PODN: variants seen among roughly 807,000 people sequenced by gnomAD.
The protein encoded by PODN is podocan.
A neutral mutation model predicts 52.7 loss-of-function variants in PODN; 40 were observed. The ratio of observed to expected loss-of-function variants is 0.76; its 90% CI spans 0.59 to 0.99. The LOEUF (loss-of-function observed/expected upper bound fraction) is 0.99. Ranked by LOEUF, PODN falls within the 50% of genes least tolerant of loss-of-function variation. PODN has a pLI of 0.00. For missense variants in PODN, 720 were observed against 815.1 expected, an observed-to-expected ratio of 0.88 and a Z score of 1.42; for synonymous variants, 396 against 377.9, an observed-to-expected ratio of 1.05 and a Z score of -0.56.
chr1:53,083,751 T>G, intron 10 of PODN, among the ~76,000 whole-genome samples: 2 of 151,256 alleles, frequency 1.3e-5, no homozygotes, highest in Admixed American at 6.6e-5. Context: ...TCAGGTTGGG[T>G]AGGGAAGGAG....
chr1:53,066,526 T>C (rs1379615683), intron 1 of PODN, among the ~76,000 whole-genome samples: 5 of 152,176 alleles, frequency 3.3e-5, no homozygotes, highest in Non-Finnish European at 5.9e-5. Flanking sequence ...AGTAGCCACA[T>C]GTGGCCAGTG....
Position 53,071,562 on chromosome 1 carries a change from G to C in PODN, c.340G>C (p.Glu114Gln). The part of the protein sequence containing the change: ...QNNQLEKIYP[E>Q]ELSRLHRLET... ...CAACCAGCTGGAAAAGATCTACCCTGAGGAGCTCTCCCGGCTGCACCGGCT... is the reference window on the plus strand; with the variant it reads ...CAACCAGCTGGAAAAGATCTACCCTCAGGAGCTCTCCCGGCTGCACCGGCT... Residue 114 changes from glutamate to glutamine, a missense_variant, in exon 3 of 11, where the codon GAG (glutamate) becomes CAG (glutamine). By Grantham distance (29) the Glu-to-Gln change is conservative. Transcript: ENST00000312553. 1 of 1,613,990 alleles carries C rather than the reference G, an allele frequency of 6.2e-7. No individual in the cohort carries two copies. Among genetic ancestry groups the C allele is most frequent in the South Asian group, 1.1e-5 (1 of 91,064 alleles).
chr1:53,070,197 G>A, intron 2 of PODN, 30 bp downstream of exon 2: 2 of 1,597,472 alleles, frequency 1.3e-6, no homozygotes, highest in African/African-American at 1.3e-5. Flanking sequence ...TGTGGTCACG[G>A]GGGCTGTCCC....
intron 10 of PODN, among the ~76,000 whole-genome samples, chr1:53,082,837 T>C (rs1328495575): frequency 2.6e-5 from 4 of 152,154 alleles, no homozygotes; most frequent in African/African-American, 9.7e-5. Context: ...CACATTTGCA[T>C]GCCTAGACTA....
At chr1:53,073,014 A>T (rs567202743) in intron 3 of PODN, 12 of 220,232 alleles carry the variant, frequency 5.4e-5, no homozygotes, top group Admixed American at 4.5e-4. Context: ...GTGAGCTGAG[A>T]TCACACCATT....
intron 10 of PODN, among the ~76,000 whole-genome samples, chr1:53,083,720 C>T (rs1295404939): frequency 2.0e-5 from 3 of 152,178 alleles, no homozygotes; most frequent in Non-Finnish European, 4.4e-5. Context: ...CGGAGGCTGG[C>T]TGCAGGCATG....
At position 53,077,622 on chromosome 1, in the gene PODN, C is replaced by G. The variant is rs1400939041; in HGVS notation, c.739-63C>G. 2.7e-6 allele frequency: 4 copies of G among 1,471,496 alleles called. No individual in the cohort carries two copies. In the South Asian group the frequency reaches 5.0e-5, roughly 19 times the overall value. The allele number at this position is 1,471,496 out of a possible 1,614,324, so 91.2% of individuals were successfully genotyped here. A position where few individuals can be genotyped will look rare whatever the true frequency, so the allele number is the denominator to read the frequency against. Reference sequence around the variant, plus strand: ...CCAGACTCCTCTCCACACCTCATCCCGAGGCCCTGACCTTGCCCTCGGCCC... The same window carrying G: ...CCAGACTCCTCTCCACACCTCATCCGGAGGCCCTGACCTTGCCCTCGGCCC... On this transcript the variant is annotated intron_variant, in intron 6 of 10. Transcript: ENST00000312553.
intron 1 of PODN, among the ~76,000 whole-genome samples, chr1:53,067,320 C>T (rs1644047976): frequency 6.6e-6 from 1 of 152,018 alleles, no homozygotes; most frequent in Admixed American, 6.6e-5. Context: ...CCTCCTACTC[C>T]TTGGGACCCC....
intron 10 of PODN, among the ~76,000 whole-genome samples, chr1:53,084,211 G>T (rs1025282437): frequency 5.9e-5 from 9 of 151,944 alleles, no homozygotes; most frequent in Non-Finnish European, 1.2e-4. Context: ...TGGCCATCCA[G>T]TGGGGACACC....
At chr1:53,073,231 G>T in intron 3 of PODN, 1 of 218,682 alleles carries the variant, frequency 4.6e-6, no homozygotes, top group Non-Finnish European at 9.8e-6. Flanking sequence ...GGACATTGTC[G>T]TGTTTCCCAT....
At position 53,080,841 on chromosome 1, in the gene PODN, C is replaced by A; in HGVS notation, c.1626C>A (p.Phe542Leu). The A allele has an allele frequency of 6.2e-7, 1 of 1,614,170 alleles. No homozygotes were observed. The highest frequency in any genetic ancestry group is 8.5e-7 in the Non-Finnish European group (1 of 1,180,032). Residue 542 changes from phenylalanine to leucine, a missense_variant, in exon 9 of 11, where the codon TTC (phenylalanine) becomes TTA (leucine). By Grantham distance (22) the Phe-to-Leu change is conservative. Transcript: ENST00000312553. ...NKISAVPANA[F>L]DSTPNLKGIF... ...TTAGTGCGGTGCCCGCCAATGCCTT[C>A]GACTCCACGCCCAACCTCAAGGGGA... is the stretch of plus-strand genomic sequence containing the variant.
chr1:53,073,094 G>T, intron 3 of PODN: 1 of 225,570 alleles, frequency 4.4e-6, no homozygotes, highest in Non-Finnish European at 9.5e-6. Flanking sequence ...ACAAGACCAA[G>T]ACAGCATCTC....
Position 53,070,121 on chromosome 1 carries a change from A to AGG in PODN, c.267_268insGG (p.Phe90GlyfsTer37), listed in dbSNP as rs771971800. 22 of 1,611,712 alleles carry AGG rather than the reference A, an allele frequency of 1.4e-5. No individual in the cohort carries two copies. The highest frequency in any genetic ancestry group is 1.8e-5 in the Non-Finnish European group (21 of 1,179,952). ...GACTGTGGCGGTATTGACCTGCGTG[A>AGG]GTTCCCGGGGGACCTGCCTGAGCAC... On this transcript the variant is annotated frameshift_variant, in exon 2 of 11. Coordinates refer to ENST00000312553, the MANE Select transcript of PODN (RefSeq NM_153703.5). LOFTEE classifies it high-confidence loss of function.
rs190033560 is a variant in PODN at position 53,076,207 on chromosome 1, G to T, written c.581+236G>T. Among the ~76,000 whole-genome samples the T allele has an allele frequency of 9.8e-5, 15 of 152,338 alleles. No individual in the cohort carries two copies. The East Asian group carries it at 2.9e-3, about 29-fold the overall frequency. ...CAGTGAGGATGTCCCCACTTTCCCA[G>T]CCCCTGGGGAAGGGGAGCATCTTTC... is the stretch of plus-strand genomic sequence containing the variant. On this transcript the variant is annotated intron_variant, in intron 5 of 10. Transcript: ENST00000312553.
chr1:53,077,045 G>A, intron 5 of PODN, 145 bp from the exon 6 acceptor site: 1 of 988,172 alleles, frequency 1.0e-6, no homozygotes, highest in Non-Finnish European at 1.5e-6. Context: ...AGCTGTGTAG[G>A]CAACATCTGA....
At chr1:53,069,533 C>T (rs1531700) in intron 1 of PODN, among the ~76,000 whole-genome samples, 7,373 of 152,322 alleles carry the variant, frequency 0.048, 276 homozygotes, top group East Asian at 0.2. Flanking sequence ...GTCTCAGCTT[C>T]CCCTTCTAGG....
chr1:53,064,013 A>G (rs1002654052), intron 1 of PODN, among the ~76,000 whole-genome samples: 1 of 152,040 alleles, frequency 6.6e-6, no homozygotes, highest in Non-Finnish European at 1.5e-5. Flanking sequence ...CACTCCGTCC[A>G]CTTGGAGAAC....
chr1:53,074,035 A>G (rs956636491), intron 3 of PODN, among the ~76,000 whole-genome samples: 2 of 152,264 alleles, frequency 1.3e-5, no homozygotes, highest in African/African-American at 4.8e-5. Flanking sequence ...GCCAGTTTAT[A>G]TAACTGTTCC....
chr1:53,063,413 GGT>G, intron 1 of PODN: 1 of 985,734 alleles, frequency 1.0e-6, no homozygotes, highest in African/African-American at 1.7e-5. Flanking sequence ...AGGCGCCACT[GGT>G]GTGAACCGGG....
Sources: allele counts gnomAD v4.1 joint callset (sites outside exome capture counted in the v4.1 genomes callset), GRCh38; gene constraint gnomAD v4.1.1; transcripts MANE v1.5; gene names NCBI Gene and HGNC (gene_info 2026-07-23, HGNC 2026-07-21).